LRRC38: variants seen among roughly 807,000 people sequenced by gnomAD.
The protein encoded by LRRC38 is leucine rich repeat containing 38.
LRRC38 carries 5 observed loss-of-function variants against 16.4 expected under a neutral mutation model. That is an observed-to-expected ratio of 0.31 (90% CI 0.16 to 0.64). LRRC38 has a LOEUF of 0.64. Among genes scored for constraint, LRRC38 ranks in the 30% least tolerant of loss-of-function variants. The probability of loss-of-function intolerance (pLI) is 0.80; values close to 1 mark genes in which losing one functional copy is unlikely to be tolerated. For synonymous variants in LRRC38, 191 were observed against 190.2 expected, an observed-to-expected ratio of 1.00 and a Z score of -0.04; for missense variants, 341 against 401.8, an observed-to-expected ratio of 0.85 and a Z score of 1.29.
At chr1:13,486,236 C>G (rs1260402810) in intron 1 of LRRC38, among the ~76,000 whole-genome samples, 1 of 152,182 alleles carries the variant, frequency 6.6e-6, no homozygotes, top group Non-Finnish European at 1.5e-5. Flanking sequence ...TCCATACGGC[C>G]TCTGCTCTGT....
At chr1:13,505,534 A>G (rs1639202789) in intron 1 of LRRC38, among the ~76,000 whole-genome samples, 1 of 152,188 alleles carries the variant, frequency 6.6e-6, no homozygotes, top group Non-Finnish European at 1.5e-5. Flanking sequence ...TCACTCCCAC[A>G]GCCTCACTGA....
chr1:13,485,483 G>A (rs1031202436), intron 1 of LRRC38, among the ~76,000 whole-genome samples: 1 of 151,972 alleles, frequency 6.6e-6, no homozygotes, highest in Non-Finnish European at 1.5e-5. Context: ...AAGGAGAATG[G>A]CATGAACTCG....
Position 13,487,525 on chromosome 1 carries a change from G to A in LRRC38, c.632-11426C>T, listed in dbSNP as rs756393126. On this transcript the variant is annotated intron_variant, in intron 1 of 1. Transcript: ENST00000376085. The surrounding 1 kb of genome is among the most constrained non-coding windows in gnomAD (Gnocchi z 4.4). ...GCCTAGGCAGAACAGGGCCCACAGCGCCCTCCCCTTATAACCACGACTTCC... is the reference window on the plus strand; with the variant it reads ...GCCTAGGCAGAACAGGGCCCACAGCACCCTCCCCTTATAACCACGACTTCC... 1.1e-4 allele frequency among the ~76,000 whole-genome samples: 16 copies of A among 152,140 alleles called. No individual in the cohort carries two copies. Among genetic ancestry groups the A allele is most frequent in the African/African-American group, 1.9e-4 (8 of 41,424 alleles).
chr1:13,507,942 A>AT (rs1457706405), intron 1 of LRRC38, among the ~76,000 whole-genome samples: 1 of 152,110 alleles, frequency 6.6e-6, no homozygotes, highest in African/African-American at 2.4e-5. Flanking sequence ...TTAAAAAAAA[A>AT]GCATAGACTT....
chr1:13,482,017 CCTT>C (rs1210782336), intron 1 of LRRC38, among the ~76,000 whole-genome samples: 1 of 152,138 alleles, frequency 6.6e-6, no homozygotes, highest in East Asian at 1.9e-4. Context: ...AAGATAGTAA[CCTT>C]CTAAGACAGG....
At chr1:13,505,863 C>T (rs1003194740) in intron 1 of LRRC38, among the ~76,000 whole-genome samples, 32 of 145,744 alleles carry the variant, frequency 2.2e-4, no homozygotes, top group Admixed American at 2.0e-3. Flanking sequence ...GGGCGTGTTC[C>T]GGGGACAGAA....
At chr1:13,509,209 G>A (rs895441818) in intron 1 of LRRC38, among the ~76,000 whole-genome samples, 5 of 152,114 alleles carry the variant, frequency 3.3e-5, no homozygotes, top group African/African-American at 9.7e-5. Context: ...CAAGGTTGTA[G>A]AGCGAGAGAA....
chr1:13,478,739 C>T (rs1359789935), intron 1 of LRRC38, among the ~76,000 whole-genome samples: 3 of 152,208 alleles, frequency 2.0e-5, no homozygotes, highest in African/African-American at 7.2e-5. Flanking sequence ...CTGCTAATTA[C>T]ACAGCAACCC....
At chr1:13,507,899 C>A (rs2100524201) in intron 1 of LRRC38, among the ~76,000 whole-genome samples, 1 of 151,908 alleles carries the variant, frequency 6.6e-6, no homozygotes, top group Non-Finnish European at 1.5e-5. Flanking sequence ...CTAATGGTGC[C>A]AGGCAGCTGG....
chr1:13,499,484 C>A (rs1314822378), intron 1 of LRRC38, among the ~76,000 whole-genome samples: 1 of 152,224 alleles, frequency 6.6e-6, no homozygotes, highest in Admixed American at 6.5e-5. Context: ...AACAGGGAGA[C>A]ACAATTCAAC....
intron 1 of LRRC38, among the ~76,000 whole-genome samples, chr1:13,478,102 C>T (rs984855403): frequency 6.6e-6 from 1 of 152,156 alleles, no homozygotes; most frequent in African/African-American, 2.4e-5. Context: ...GACTGATACA[C>T]AATACGAGCT....
At chr1:13,486,431 G>A (rs567949129) in intron 1 of LRRC38, among the ~76,000 whole-genome samples, 1 of 152,154 alleles carries the variant, frequency 6.6e-6, no homozygotes, top group South Asian at 2.1e-4. Flanking sequence ...ACCTGGACAC[G>A]CCTTTTCGGG....
chr1:13,476,343 T>G (rs889015213), intron 1 of LRRC38, among the ~76,000 whole-genome samples: 1 of 150,406 alleles, frequency 6.6e-6, no homozygotes, highest in Non-Finnish European at 1.5e-5. Context: ...GTTTGTTTTT[T>G]GTTTTTTGTT....
intron 1 of LRRC38, among the ~76,000 whole-genome samples, chr1:13,500,254 CAAAA>C (rs33912498): frequency 7.3e-5 from 10 of 136,404 alleles, no homozygotes; most frequent in Admixed American, 7.5e-5. Flanking sequence ...GACTCTGTCT[CAAAA>C]AAAAAAAAAA....
chr1:13,481,746 CCTCTCACTTTCTTTCCCTCTCTCTCCCT>C (rs1445107453), intron 1 of LRRC38, among the ~76,000 whole-genome samples: 1 of 138,096 alleles, frequency 7.2e-6, no homozygotes, highest in Non-Finnish European at 1.6e-5. Flanking sequence ...TCTGTCTCTG[CCTCTCACTTTCTTTCCCTCTCTCTCCCT>C]CTCTCCCTCT....
intron 1 of LRRC38, among the ~76,000 whole-genome samples, chr1:13,507,284 C>T (rs1473486609): frequency 6.6e-6 from 1 of 152,204 alleles, no homozygotes; most frequent in Non-Finnish European, 1.5e-5. Context: ...AGTGACTCAA[C>T]TCTAAGGGAC....
At chr1:13,496,311 G>C (rs1639078946) in intron 1 of LRRC38, among the ~76,000 whole-genome samples, 1 of 152,056 alleles carries the variant, frequency 6.6e-6, no homozygotes, top group Non-Finnish European at 1.5e-5. Flanking sequence ...TGGGACTACA[G>C]GTGTGTGCCA....
At chr1:13,478,249 A>G (rs1345601810) in intron 1 of LRRC38, among the ~76,000 whole-genome samples, 1 of 152,266 alleles carries the variant, frequency 6.6e-6, no homozygotes, top group Non-Finnish European at 1.5e-5. Context: ...AGTAGTAACT[A>G]ACAGTCATGT....
At chr1:13,490,596 G>A (rs914432577) in intron 1 of LRRC38, among the ~76,000 whole-genome samples, 1 of 139,194 alleles carries the variant, frequency 7.2e-6, no homozygotes, top group Admixed American at 7.1e-5. Flanking sequence ...ACCCCCACCC[G>A]CTCCATCATC....
Sources: allele counts gnomAD v4.1 joint callset (sites outside exome capture counted in the v4.1 genomes callset), GRCh38; gene constraint gnomAD v4.1.1; non-coding constraint Gnocchi (gnomAD v3.1); transcripts MANE v1.5; gene names NCBI Gene and HGNC (gene_info 2026-07-23, HGNC 2026-07-21).